VPS37A: variants seen among roughly 807,000 people sequenced by gnomAD.
The protein encoded by VPS37A is vacuolar protein sorting-associated protein 37A.
In VPS37A, 30 loss-of-function variants were observed where a neutral mutation model predicts 49.8. The observed-to-expected ratio is 0.60, with a 90% CI of 0.45 to 0.82. The LOEUF (loss-of-function observed/expected upper bound fraction) is 0.82. Ranked by LOEUF, VPS37A falls within the 40% of genes least tolerant of loss-of-function variation. VPS37A has a pLI of 0.00. For missense variants in VPS37A, 593 were observed against 464.4 expected (o/e 1.28, Z -2.55); for synonymous variants, 195 against 160.6 (o/e 1.21, Z -1.62).
At chr8:17,305,330 T>C (rs141020604), downstream of VPS37A, among the ~76,000 whole-genome samples, 2 of 152,330 alleles carry the variant, frequency 1.3e-5, no homozygotes, top group African/African-American at 4.8e-5. Context: ...TTTATCTACT[T>C]TTACCCTTGG....
At chr8:17,312,856 T>C in the VPS37A span, among the ~76,000 whole-genome samples, 2 of 152,176 alleles carry the variant, frequency 1.3e-5, no homozygotes, top group East Asian at 3.9e-4. Flanking sequence ...AAACAGCTTA[T>C]GTGAAAGCTG....
intron 11 of VPS37A, 191 bp downstream of exon 11, chr8:17,286,618 G>T: frequency 2.1e-6 from 1 of 484,626 alleles, no homozygotes; most frequent in Non-Finnish European, 3.6e-6. Context: ...GAAATCTTTT[G>T]GATATTTTCT....
chr8:17,300,227 A>C (rs200314031), downstream of VPS37A: 1 of 1,596,466 alleles, frequency 6.3e-7, no homozygotes. Context: ...TCCAGCCTCT[A>C]AGAAAGAAAT....
chr8:17,299,711 G>C (rs1297838045), downstream of VPS37A: 30 of 1,035,524 alleles, frequency 2.9e-5, no homozygotes, highest in Non-Finnish European at 3.3e-5. Flanking sequence ...AAGAAATCAA[G>C]AACTGGGCAC....
chr8:17,323,959 T>G, the VPS37A span, among the ~76,000 whole-genome samples: 1 of 152,328 alleles, frequency 6.6e-6, no homozygotes, highest in East Asian at 1.9e-4. Flanking sequence ...ACTGTCTCAG[T>G]GCACTGCAAA....
intron 1 of VPS37A, chr8:17,248,491 G>A (rs1811646872): frequency 2.5e-6 from 1 of 404,842 alleles, no homozygotes; most frequent in South Asian, 1.7e-5. Flanking sequence ...GGTCAGGCTG[G>A]TCTCGAACTC....
At chr8:17,272,410 A>C (rs1274115075) in intron 4 of VPS37A, among the ~76,000 whole-genome samples, 3 of 152,146 alleles carry the variant, frequency 2.0e-5, no homozygotes, top group African/African-American at 7.2e-5. Context: ...TTCAAAACCC[A>C]TACCTCTATC....
rs575210796 is a variant in VPS37A, at chr8:17,282,676, C to A, written c.970-1797C>A. ...ATGTCCAATAAAGATTCTGCTTTAACAGTTATTCTGATCCTTAAACATTCA... is the reference window on the plus strand; with the variant it reads ...ATGTCCAATAAAGATTCTGCTTTAAAAGTTATTCTGATCCTTAAACATTCA... On this transcript the variant is annotated intron_variant, in intron 9 of 11. Coordinates refer to ENST00000324849, the MANE Select transcript of VPS37A (RefSeq NM_152415.3). Among the ~76,000 whole-genome samples the A allele has an allele frequency of 1.1e-4, 17 of 152,178 alleles. No homozygotes were observed. In the South Asian group the frequency reaches 3.5e-3, roughly 32 times the overall value.
At chr8:17,291,550 C>A (rs538827902) in intron 11 of VPS37A, among the ~76,000 whole-genome samples, 2 of 148,250 alleles carry the variant, frequency 1.3e-5, no homozygotes, top group Admixed American at 1.4e-4. Flanking sequence ...TTCTCTAATT[C>A]TTTTAATTGT....
intron 9 of VPS37A, among the ~76,000 whole-genome samples, chr8:17,283,776 T>C (rs908518293): frequency 3.3e-5 from 5 of 152,196 alleles, no homozygotes; most frequent in African/African-American, 9.7e-5. Flanking sequence ...TGAGGAAATA[T>C]TAATCATCTT....
intron 6 of VPS37A, among the ~76,000 whole-genome samples, chr8:17,277,553 A>G (rs901585973): frequency 6.6e-6 from 1 of 151,986 alleles, no homozygotes; most frequent in Non-Finnish European, 1.5e-5. Flanking sequence ...ATGAGTCACC[A>G]TTATTCTAAA....
chr8:17,297,703 G>GTT lies in VPS37A; in HGVS notation c.*2719_*2720dup, dbSNP rs754623684. The stretch of plus-strand genomic sequence containing the variant: ...CTCAATAAAACACTTCCTGATTAAT[G>GTT]TTTGATTATTAGATATTTTAGTCTT... On this transcript the variant is annotated 3_prime_UTR_variant, in exon 12 of 12. Transcript: ENST00000324849. 6.6e-6 allele frequency: 1 copy of GTT among 151,914 alleles called. No homozygotes were observed. The highest frequency in any genetic ancestry group is 2.4e-5 in the African/African-American group (1 of 41,408). 9.4% of individuals were successfully genotyped at this position (151,914 alleles called of 1,614,324 possible).
At chr8:17,272,851 G>A (rs891803998) in intron 4 of VPS37A, among the ~76,000 whole-genome samples, 9 of 88,818 alleles carry the variant, frequency 1.0e-4, no homozygotes, top group Non-Finnish European at 1.2e-4. Flanking sequence ...GAAAATCTCC[G>A]TGTCACTTTT....
At chr8:17,270,694 A>G (rs1224471725) in intron 4 of VPS37A, among the ~76,000 whole-genome samples, 2 of 152,132 alleles carry the variant, frequency 1.3e-5, no homozygotes, top group Non-Finnish European at 2.9e-5. Flanking sequence ...GGGACTGGAA[A>G]TCTGGTTGTG....
chr8:17,301,074 G>C (rs928530679), downstream of VPS37A, among the ~76,000 whole-genome samples: 3 of 152,134 alleles, frequency 2.0e-5, no homozygotes, highest in African/African-American at 7.2e-5. Flanking sequence ...TTCATGTTTT[G>C]ATGTTAACAC....
downstream of VPS37A, among the ~76,000 whole-genome samples, chr8:17,307,331 A>G (rs1372866890): frequency 6.6e-6 from 1 of 152,228 alleles, no homozygotes; most frequent in African/African-American, 2.4e-5. Flanking sequence ...CAAAACCACA[A>G]TGATACACCA....
chr8:17,321,988 T>A, the VPS37A span, among the ~76,000 whole-genome samples: 59,795 of 151,812 alleles, frequency 0.39, 13,056 homozygotes, highest in East Asian at 0.78. Flanking sequence ...TTTTCTCCTA[T>A]GCAATTGCTG....
At chr8:17,326,360 T>C in the VPS37A span, 1 of 152,188 alleles carries the variant, frequency 6.6e-6, no homozygotes, top group Non-Finnish European at 1.5e-5. Context: ...GCTTAAAAAA[T>C]CTGAACCGTG....
chr8:17,311,381 T>C, the VPS37A span: 1 of 1,219,206 alleles, frequency 8.2e-7, no homozygotes, highest in Non-Finnish European at 1.2e-6. Flanking sequence ...CTCTTCCCCT[T>C]TAATCTTGCT....
Sources: gnomAD v4.1 joint callset for allele counts (sites outside exome capture counted in the v4.1 genomes callset) on GRCh38, gnomAD v4.1.1 for gene constraint, MANE v1.5 for transcripts, NCBI Gene and HGNC (gene_info 2026-07-23, HGNC 2026-07-21) for gene names.